The following NBAS variants were observed in gnomAD, a reference collection of about 807,000 sequenced individuals.
The protein encoded by NBAS is NAG/BC035112 fusion.
A neutral mutation model predicts 302.5 loss-of-function variants in NBAS; 219 were observed. The ratio of observed to expected loss-of-function variants is 0.72; its 90% CI spans 0.65 to 0.81. NBAS has a LOEUF of 0.81. Among genes scored for constraint, NBAS ranks in the 30% least tolerant of loss-of-function variants. The pLI is 0.00. For synonymous variants in NBAS, 1,118 were observed against 1,021.6 expected, an observed-to-expected ratio of 1.09 and a Z score of -1.80; for missense variants, 2,932 against 2,841.6, an observed-to-expected ratio of 1.03 and a Z score of -0.72.
the NBAS span, among the ~76,000 whole-genome samples, chr2:14,975,929 A>G: frequency 6.6e-6 from 1 of 152,242 alleles, no homozygotes; most frequent in Non-Finnish European, 1.5e-5. Context: ...ATGAAGGAAC[A>G]TGCCCTCTGA....
At chr2:14,947,652 G>T in the NBAS span, among the ~76,000 whole-genome samples, 1 of 152,002 alleles carries the variant, frequency 6.6e-6, no homozygotes, top group Non-Finnish European at 1.5e-5. Context: ...GCTCTGGCTA[G>T]GGCTTCCAGT....
At chr2:15,435,479 C>T (rs917192875) in intron 21 of NBAS, among the ~76,000 whole-genome samples, 12 of 152,204 alleles carry the variant, frequency 7.9e-5, no homozygotes, top group South Asian at 2.1e-4. Flanking sequence ...TATGTAAATT[C>T]GGCAGCCCTG....
the NBAS span, among the ~76,000 whole-genome samples, chr2:14,943,986 C>T: frequency 2.0e-5 from 3 of 152,092 alleles, no homozygotes; most frequent in Non-Finnish European, 4.4e-5. Context: ...TTGCTCCATT[C>T]GTTCAACCAA....
At chr2:14,991,943 G>A in the NBAS span, among the ~76,000 whole-genome samples, 23 of 152,146 alleles carry the variant, frequency 1.5e-4, no homozygotes, top group South Asian at 2.1e-4. Flanking sequence ...AGGGCATGCC[G>A]GTGCACAGCG....
At chr2:15,505,995 C>T (rs1300072862) in intron 10 of NBAS, among the ~76,000 whole-genome samples, 1 of 151,230 alleles carries the variant, frequency 6.6e-6, no homozygotes, top group Admixed American at 6.6e-5. Context: ...GAATAAATTA[C>T]AAGGTACTCA....
chr2:15,351,591 T>C (rs1673358397), intron 35 of NBAS, among the ~76,000 whole-genome samples: 1 of 151,914 alleles, frequency 6.6e-6, no homozygotes, highest in Admixed American at 6.6e-5. Context: ...GGCAGGGGAA[T>C]TGCTTGAACC....
intron 27 of NBAS, among the ~76,000 whole-genome samples, chr2:15,394,910 T>C (rs1675796050): frequency 6.6e-6 from 1 of 152,224 alleles, no homozygotes; most frequent in Middle Eastern, 3.4e-3. Flanking sequence ...AAATACTTGA[T>C]CTGACTCACA....
intron 29 of NBAS, among the ~76,000 whole-genome samples, chr2:15,380,479 C>A (rs1327550933): frequency 6.6e-6 from 1 of 152,064 alleles, no homozygotes; most frequent in African/African-American, 2.4e-5. Flanking sequence ...AATAGCCACT[C>A]CACAAATGCT....
chr2:15,025,461 C>T, the NBAS span, among the ~76,000 whole-genome samples: 2 of 152,104 alleles, frequency 1.3e-5, no homozygotes, highest in Admixed American at 6.6e-5. Context: ...TTTTTTGTTC[C>T]ATATGAATTT....
the NBAS span, among the ~76,000 whole-genome samples, chr2:14,943,317 A>G: frequency 6.6e-6 from 1 of 152,356 alleles, no homozygotes; most frequent in Non-Finnish European, 1.5e-5. Context: ...AAGAGCCACT[A>G]ATAATTTTAT....
At chr2:15,073,854 G>A in the NBAS span, among the ~76,000 whole-genome samples, 3 of 151,942 alleles carry the variant, frequency 2.0e-5, no homozygotes, top group African/African-American at 2.4e-5. Context: ...CGTGTTAATC[G>A]GCATTCAGGC....
chr2:15,112,026 T>C, the NBAS span, among the ~76,000 whole-genome samples: 1 of 150,250 alleles, frequency 6.7e-6, no homozygotes, highest in Non-Finnish European at 1.5e-5. Context: ...TTAGAATAGA[T>C]GAAGGACAAA....
chr2:15,127,148 G>C, the NBAS span, among the ~76,000 whole-genome samples: 52 of 152,130 alleles, frequency 3.4e-4, no homozygotes, highest in Admixed American at 3.4e-3. Flanking sequence ...TTGAAAGAGG[G>C]GCCCGTTGTT....
chr2:14,802,717 T>G, the NBAS span, among the ~76,000 whole-genome samples: 4 of 148,494 alleles, frequency 2.7e-5, no homozygotes, highest in African/African-American at 1.0e-4. Context: ...CCATAAAAAA[T>G]GATGAGTTCA....
At chr2:15,385,280 G>A (rs1480618663) in intron 28 of NBAS, among the ~76,000 whole-genome samples, 1 of 152,174 alleles carries the variant, frequency 6.6e-6, no homozygotes. Context: ...AGGCAGAGAA[G>A]TAGCAGAATG....
At chr2:15,255,805 G>A (rs981436500) in intron 44 of NBAS, among the ~76,000 whole-genome samples, 14 of 152,292 alleles carry the variant, frequency 9.2e-5, no homozygotes, top group Admixed American at 5.9e-4. Context: ...TTGTTGAATA[G>A]AGTGACCTTT....
chr2:15,509,935 C>T (rs867656474), intron 10 of NBAS, among the ~76,000 whole-genome samples: 1 of 152,098 alleles, frequency 6.6e-6, no homozygotes, highest in African/African-American at 2.4e-5. Context: ...CTGCAACCTC[C>T]GCCTCCCAGG....
chr2:15,277,252 T>C lies in NBAS; in HGVS notation c.5139-151A>G, dbSNP rs1019520602. ...AACCACCACCAGAAGCCAGTCAGCCTGAATAAAGGAAAACAAATGTGTTAG... is the reference window on the plus strand; with the variant it reads ...AACCACCACCAGAAGCCAGTCAGCCCGAATAAAGGAAAACAAATGTGTTAG... On this transcript the variant is annotated intron_variant, in intron 42 of 51. Transcript: ENST00000281513. The C allele has an allele frequency of 1.7e-5, 16 of 966,354 alleles. No homozygotes were observed. In the African/African-American group the frequency reaches 2.6e-4, roughly 16 times the overall value. 59.9% of individuals were successfully genotyped at this position (966,354 alleles called of 1,614,324 possible).
intron 44 of NBAS, among the ~76,000 whole-genome samples, chr2:15,250,755 T>A (rs1376727612): frequency 6.6e-6 from 1 of 152,098 alleles, no homozygotes; most frequent in Non-Finnish European, 1.5e-5. Context: ...AAAACCACAA[T>A]GAGATACCGT....
Sources: allele counts gnomAD v4.1 joint callset (sites outside exome capture counted in the v4.1 genomes callset), GRCh38; gene constraint gnomAD v4.1.1; transcripts MANE v1.5; gene names NCBI Gene and HGNC (gene_info 2026-07-23, HGNC 2026-07-21).